Variants in GNG2 observed in about 807,000 individuals in gnomAD.
The protein encoded by GNG2 is G protein subunit gamma 2.
GNG2 carries 5 observed loss-of-function variants against 5.5 expected under a neutral mutation model. The observed-to-expected ratio is 0.91, with a 90% CI of 0.48 to 1.92. GNG2 has a LOEUF of 1.92. Ranked by LOEUF, GNG2 falls within the 30% of genes most tolerant of loss-of-function variation. The pLI, the probability that GNG2 is intolerant of heterozygous loss-of-function variation, is 0.01. For missense variants in GNG2, 55 were observed against 88.4 expected (o/e 0.62, Z 1.52); for synonymous variants, 28 against 32.0 (o/e 0.88, Z 0.42).
At chr14:51,883,908 T>C (rs1174320076) in intron 2 of GNG2, among the ~76,000 whole-genome samples, 13 of 152,196 alleles carry the variant, frequency 8.5e-5, no homozygotes, top group Non-Finnish European at 8.8e-5. Context: ...GTTAGGTTTT[T>C]TTAATCATGA....
At chr14:51,890,266 C>T (rs1014204250) in intron 2 of GNG2, among the ~76,000 whole-genome samples, 8 of 152,190 alleles carry the variant, frequency 5.3e-5, no homozygotes, top group Non-Finnish European at 8.8e-5. Context: ...TAGAGCTCCA[C>T]CTGGTCTATT....
intron 2 of GNG2, among the ~76,000 whole-genome samples, chr14:51,922,425 G>A (rs1324083137): frequency 6.6e-6 from 1 of 152,116 alleles, no homozygotes; most frequent in African/African-American, 2.4e-5. Context: ...TGCTATGGAT[G>A]ACTCCCTCTT....
intron 3 of GNG2, among the ~76,000 whole-genome samples, chr14:51,963,465 A>T (rs1482525355): frequency 2.0e-5 from 3 of 152,260 alleles, no homozygotes; most frequent in African/African-American, 7.2e-5. Flanking sequence ...TGGTGTAACA[A>T]TGACTATCGC....
At chr14:51,948,251 G>GA in intron 2 of GNG2, among the ~76,000 whole-genome samples, 1 of 152,020 alleles carries the variant, frequency 6.6e-6, no homozygotes, top group Non-Finnish European at 1.5e-5. Flanking sequence ...TCTCCACTAA[G>GA]AAAAAAAGTG....
At position 51,847,875 on chromosome 14, in the gene GNG2, C is replaced by CTTTTTTTTTTTTTTTTTTTTTT. The variant is rs1555348001; in HGVS notation, c.64+20073_64+20074insTTTTTTTTTTTTTTTTTTTTTT. ...GGATGTTACTCTATGAATACAGGTC[C>CTTTTTTTTTTTTTTTTTTTTTT]TTTTTCTTTTTTTTTTTTTTTTTTT... On this transcript the variant is annotated intron_variant, in intron 2 of 3. Transcript: ENST00000553432. 3.0e-5 allele frequency among the ~76,000 whole-genome samples: 2 copies of CTTTTTTTTTTTTTTTTTTTTTT among 66,148 alleles called. 1 individual carries two copies. 43.4% of individuals were successfully genotyped at this position (66,148 alleles called of 152,430 possible). A position where few individuals can be genotyped will look rare whatever the true frequency, so the allele number is the denominator to read the frequency against.
At chr14:51,920,343 T>A (rs988179846) in intron 2 of GNG2, among the ~76,000 whole-genome samples, 3 of 151,412 alleles carry the variant, frequency 2.0e-5, no homozygotes, top group African/African-American at 7.3e-5. Flanking sequence ...TTATTTATAA[T>A]ACCTAATACA....
chr14:51,934,197 G>A (rs529989971), intron 2 of GNG2, among the ~76,000 whole-genome samples: 6 of 152,216 alleles, frequency 3.9e-5, no homozygotes, highest in East Asian at 1.9e-4. Context: ...TTTGAGGGCC[G>A]GAGAAAAGGC....
At chr14:51,958,566 T>C (rs1253997057) in intron 3 of GNG2, among the ~76,000 whole-genome samples, 1 of 152,030 alleles carries the variant, frequency 6.6e-6, no homozygotes, top group East Asian at 1.9e-4. Flanking sequence ...CTTTCCGTAT[T>C]TGTAACTCCC....
chr14:51,879,234 A>G (rs1251314910), intron 2 of GNG2, among the ~76,000 whole-genome samples: 2 of 152,256 alleles, frequency 1.3e-5, no homozygotes, highest in Non-Finnish European at 2.9e-5. Context: ...TCTCTGTGCT[A>G]ACAAACGCAA....
chr14:51,836,077 C>T (rs1012107286), intron 2 of GNG2, among the ~76,000 whole-genome samples: 7 of 151,338 alleles, frequency 4.6e-5, no homozygotes, highest in Admixed American at 1.3e-4. Flanking sequence ...GTGTTTGGTT[C>T]GGGTTCTCTT....
At chr14:51,936,540 A>AT (rs35190987) in intron 2 of GNG2, among the ~76,000 whole-genome samples, 10,560 of 129,514 alleles carry the variant, frequency 0.082, 703 homozygotes, top group East Asian at 0.29. Context: ...TACTCCATTG[A>AT]TTTTTTTTTT....
intron 2 of GNG2, among the ~76,000 whole-genome samples, chr14:51,949,794 C>G (rs1345852279): frequency 2.0e-5 from 3 of 151,918 alleles, no homozygotes; most frequent in African/African-American, 7.3e-5. Context: ...AGGTATTTTC[C>G]AAGATGAACA....
At chr14:51,894,641 A>T (rs1422203834) in intron 2 of GNG2, among the ~76,000 whole-genome samples, 1 of 151,428 alleles carries the variant, frequency 6.6e-6, no homozygotes, top group Non-Finnish European at 1.5e-5. Context: ...AATTATTTAC[A>T]TTTCAGTTTT....
chr14:51,875,916 A>G (rs1205081252), intron 1 of GNG2, among the ~76,000 whole-genome samples: 1 of 151,032 alleles, frequency 6.6e-6, no homozygotes, highest in Non-Finnish European at 1.5e-5. Flanking sequence ...AGAATATAAA[A>G]TGCATTTTTT....
rs1886962305 is a variant in GNG2, at chr14:51,920,616, C to A, written c.-29-30034C>A. 2.0e-5 allele frequency among the ~76,000 whole-genome samples: 3 copies of A among 152,092 alleles called. No individual in the cohort carries two copies. The South Asian group carries it at 6.2e-4, about 32-fold the overall frequency. The stretch of plus-strand genomic sequence containing the variant: ...AAACTATGAGATACAATTGGAAAGA[C>A]TGACTTTGGAGAGAATTTATAAATG... On this transcript the variant is annotated intron_variant, in intron 2 of 3. Transcript: ENST00000556766.
At chr14:51,884,129 C>T (rs1339769575) in intron 2 of GNG2, among the ~76,000 whole-genome samples, 1 of 152,040 alleles carries the variant, frequency 6.6e-6, no homozygotes, top group African/African-American at 2.4e-5. Flanking sequence ...ATATAAGTGC[C>T]ATTGAACCAT....
chr14:51,876,787 T>C (rs1250528549), intron 1 of GNG2, among the ~76,000 whole-genome samples: 1 of 152,174 alleles, frequency 6.6e-6, no homozygotes, highest in Non-Finnish European at 1.5e-5. Context: ...GATGTTCGTT[T>C]GGCCCTAGAA....
chr14:51,882,997 G>A (rs1180866651), intron 2 of GNG2, among the ~76,000 whole-genome samples: 1 of 133,692 alleles, frequency 7.5e-6, no homozygotes, highest in Admixed American at 8.6e-5. Context: ...GTGACAGAGC[G>A]AGACTCCATC....
chr14:51,869,528 G>C (rs1000025234), intron 1 of GNG2, among the ~76,000 whole-genome samples: 1 of 152,154 alleles, frequency 6.6e-6, no homozygotes, highest in African/African-American at 2.4e-5. Flanking sequence ...TTTCTGGTTT[G>C]TTGAAACAGG....
Sources: allele counts gnomAD v4.1 joint callset (sites outside exome capture counted in the v4.1 genomes callset), GRCh38; gene constraint gnomAD v4.1.1; transcripts MANE v1.5; gene names NCBI Gene and HGNC (gene_info 2026-07-23, HGNC 2026-07-21).